Variants in CSHL1 observed in about 807,000 individuals in gnomAD.
CSHL1 encodes the protein chorionic somatomammotropin hormone-like 1.
A neutral mutation model predicts 24.3 loss-of-function variants in CSHL1; 25 were observed. The ratio of observed to expected loss-of-function variants is 1.03; its 90% confidence interval spans 0.75 to 1.44. The LOEUF (loss-of-function observed/expected upper bound fraction) is 1.44, where lower values mean the gene tolerates loss of function less well. Among genes scored for constraint, CSHL1 ranks in the 40% most tolerant of loss-of-function variants. The pLI is 0.00. For missense variants in CSHL1, 342 were observed against 279.3 expected (o/e 1.22, Z -1.60); for synonymous variants, 157 against 115.6 (o/e 1.36, Z -2.30).
intron 4 of CSHL1, 96 bp downstream of exon 4, chr17:63,910,066 C>A: frequency 1.2e-6 from 2 of 1,614,130 alleles, no homozygotes; most frequent in East Asian, 2.2e-5. Context: ...CTTGGGTCAG[C>A]GCCTGACTGC....
chr17:63,910,361 C>T (rs769854600), intron 3 of CSHL1, 35 bp from the exon 4 acceptor site: 58 of 1,614,078 alleles, frequency 3.6e-5, no homozygotes, highest in Middle Eastern at 3.3e-4. Flanking sequence ...CTGTGCTGCC[C>T]GGGGGCTCTG....
At chr17:63,911,123 T>A (rs1186774829) in intron 1 of CSHL1, 64 bp downstream of exon 1, 28 of 1,612,188 alleles carry the variant, frequency 1.7e-5, no homozygotes, top group African/African-American at 2.7e-5. Flanking sequence ...CCCCGTCCCA[T>A]CTGCAGGGCG....
At chr17:63,909,942 C>G in intron 4 of CSHL1, 34 bp from the exon 5 acceptor site, 1 of 1,614,006 alleles carries the variant, frequency 6.2e-7, no homozygotes, top group African/African-American at 1.3e-5. Context: ...AGAGACCAAG[C>G]GCTTGGGCAC....
In CSHL1 at chr17:63,909,670, G is replaced by A. The variant is rs762474863; in HGVS notation, c.*41C>T. On this transcript the variant is annotated 3_prime_UTR_variant, in exon 5 of 5. Coordinates refer to ENST00000309894, the MANE Select transcript of CSHL1 (RefSeq NM_022579.3). ...ACTGGAGTGGCACCTTCAGGGCCAGGAGAGGCACTGGGGAGGGGTCACAGG... is the reference window on the plus strand; with the variant it reads ...ACTGGAGTGGCACCTTCAGGGCCAGAAGAGGCACTGGGGAGGGGTCACAGG... 6.2e-7 allele frequency: 1 copy of A among 1,613,968 alleles called. No individual in the cohort carries two copies. The highest frequency in any genetic ancestry group is 2.2e-5 in the East Asian group (1 of 44,880).
In CSHL1 at chr17:63,910,859, C is replaced by T; in HGVS notation, c.76G>A (p.Ala26Thr). Residue 26 changes from alanine (A) to threonine (T), a missense_variant, in exon 2 of 5, where the codon GCC becomes ACC. Coordinates refer to ENST00000309894, the MANE Select transcript of CSHL1 (RefSeq NM_022579.3). ...LCLPWLQEAGAVQTVPLSRLF... is the reference protein window; with the variant it reads ...LCLPWLQEAGTVQTVPLSRLF... Reference sequence around the variant, plus strand: ...CTGGATAAGGGAACGGTTTGGACGGCACCAGCCTCTTGAAGCCAGGGCAGG... The same window carrying T: ...CTGGATAAGGGAACGGTTTGGACGGTACCAGCCTCTTGAAGCCAGGGCAGG... The T allele has an allele frequency of 6.2e-7, 1 of 1,614,180 alleles. No individual in the cohort carries two copies. Among genetic ancestry groups the T allele is most frequent in the Admixed American group, 1.7e-5 (1 of 60,032 alleles).
chr17:63,910,937 C>T lies in CSHL1; in HGVS notation c.11-13G>A, dbSNP rs369180337. Reference sequence around the variant, plus strand: ...GACGTCCGGGAGCCTGGGGAGAAACCGGAGGGCAAGAAGGGAGCCGCAGAG... The same window carrying T: ...GACGTCCGGGAGCCTGGGGAGAAACTGGAGGGCAAGAAGGGAGCCGCAGAG... On this transcript the variant is annotated splice_polypyrimidine_tract_variant and intron_variant, in intron 1 of 4. Transcript: ENST00000309894. The T allele has an allele frequency of 1.9e-5, 30 of 1,613,530 alleles. No individual in the cohort carries two copies. Among genetic ancestry groups the T allele is most frequent in the South Asian group, 4.4e-5 (4 of 91,076 alleles).
Position 63,910,808 on chromosome 17 carries a change from C to G in CSHL1, c.127G>C (p.Ala43Pro), listed in dbSNP as rs769605062. 3.7e-6 allele frequency: 6 copies of G among 1,614,096 alleles called. No homozygotes were observed. The highest frequency in any genetic ancestry group is 3.3e-5 in the Admixed American group (2 of 60,014). ...SRLFKEAMLQ[A>P]HRAHQLAIDT... ...ATGGCCAGCTGGTGTGCGCGATGGG[C>G]TTGGAGCATAGCCTCTTTAAAAAGC... is the stretch of plus-strand genomic sequence containing the variant. The change falls in exon 2 of 5, where the codon GCC (alanine) becomes CCC (proline). Residue 43 changes from alanine to proline, a missense_variant. Physicochemically the swap from Ala to Pro is conservative, Grantham distance 27. Transcript: ENST00000309894.
In CSHL1 at chr17:63,910,541, T is replaced by C. The variant is rs1210215030; in HGVS notation, c.191-6A>G. On this transcript the variant is annotated splice_polypyrimidine_tract_variant and splice_region_variant and intron_variant, in intron 2 of 4. Transcript: ENST00000309894. ...TTCCTTTGTGATATAGGCTTCTTCCTAGGGGAAGGACCCCCCACCAAGAAG... is the reference window on the plus strand; with the variant it reads ...TTCCTTTGTGATATAGGCTTCTTCCCAGGGGAAGGACCCCCCACCAAGAAG... 1 of 1,614,174 alleles carries C rather than the reference T, an allele frequency of 6.2e-7. No individual in the cohort carries two copies. The highest frequency in any genetic ancestry group is 1.1e-5 in the South Asian group (1 of 91,078).
rs571347914 is a variant in CSHL1 at position 63,911,111 on chromosome 17, G to A, written c.10+76C>T. On this transcript the variant is annotated intron_variant, in intron 1 of 4. Transcript: ENST00000309894. ...CAGAAGCCCCAAACCTGAGGTTAGT[G>A]CCCCCGTCCCATCTGCAGGGCGCCG... 3 of 1,611,976 alleles carry A rather than the reference G, an allele frequency of 1.9e-6. No homozygotes were observed. The South Asian group carries it at 3.3e-5, about 18-fold the overall frequency.
chr17:63,910,085 G>A (rs757701970), intron 4 of CSHL1, 77 bp downstream of exon 4: 1 of 1,614,172 alleles, frequency 6.2e-7, no homozygotes, highest in South Asian at 1.1e-5. Context: ...GCTGAAAAGA[G>A]GGCAGCAGTG....
chr17:63,909,701 A>C lies in CSHL1; in HGVS notation c.*10T>G. On this transcript the variant is annotated 3_prime_UTR_variant, in exon 5 of 5. Transcript: ENST00000309894. Reference sequence around the variant, plus strand: ...CACTGGGGAGGGGTCACAGGATGCCACGCGGGCCCCTAGAAGCCACAGCTG... The same window carrying C: ...CACTGGGGAGGGGTCACAGGATGCCCCGCGGGCCCCTAGAAGCCACAGCTG... The C allele has an allele frequency of 7.4e-6, 12 of 1,614,106 alleles. No homozygotes were observed. The highest frequency in any genetic ancestry group is 1.0e-5 in the Non-Finnish European group (12 of 1,180,036).
At chr17:63,910,588 A>G (rs1285725466) in intron 2 of CSHL1, 53 bp from the exon 3 acceptor site, 6 of 1,614,016 alleles carry the variant, frequency 3.7e-6, no homozygotes, top group Non-Finnish European at 5.1e-6. Flanking sequence ...TCTATGCTGG[A>G]GACCAGCTCC....
At chr17:63,909,976 C>T (rs2144715024) in intron 4 of CSHL1, 68 bp from the exon 5 acceptor site, 1 of 1,613,974 alleles carries the variant, frequency 6.2e-7, no homozygotes, top group South Asian at 1.1e-5. Flanking sequence ...TCTCATTTAT[C>T]CATTTTCCTC....
At chr17:63,911,039 T>G (rs1906971503) in intron 1 of CSHL1, 115 bp from the exon 2 acceptor site, 2 of 1,610,680 alleles carry the variant, frequency 1.2e-6, no homozygotes, top group Non-Finnish European at 1.7e-6. Flanking sequence ...ACCAGGAACA[T>G]TCAGAGATTG....
In CSHL1 at chr17:63,910,802, G is replaced by A. The variant is rs141576938; in HGVS notation, c.133C>T (p.Arg45Cys). 6 of 1,614,216 alleles carry A rather than the reference G, an allele frequency of 3.7e-6. 1 individual carries two copies. Among genetic ancestry groups the A allele is most frequent in the South Asian group, 2.2e-5 (2 of 91,082 alleles). The change falls in exon 2 of 5, where the codon CGC becomes TGC. Residue 45 changes from arginine to cysteine, a missense_variant. By Grantham distance (180) the Arg-to-Cys change is radical. Coordinates refer to ENST00000309894, the MANE Select transcript of CSHL1 (RefSeq NM_022579.3). ...LFKEAMLQAHRAHQLAIDTYQ... is the reference protein window; with the variant it reads ...LFKEAMLQAHCAHQLAIDTYQ... Reference sequence around the variant, plus strand: ...GTGTCAATGGCCAGCTGGTGTGCGCGATGGGCTTGGAGCATAGCCTCTTTA... The same window carrying A: ...GTGTCAATGGCCAGCTGGTGTGCGCAATGGGCTTGGAGCATAGCCTCTTTA...
Position 63,910,144 on chromosome 17 carries a change from C to A in CSHL1, c.471+18G>T, listed in dbSNP as rs371668344. On this transcript the variant is annotated intron_variant, in intron 4 of 4. Transcript: ENST00000309894. Reference sequence around the variant, plus strand: ...CCAGTGGGCTTCCAGGATTGGGGACCCCTGGTGCCACCCTCACCCCCATCA... The same window carrying A: ...CCAGTGGGCTTCCAGGATTGGGGACACCTGGTGCCACCCTCACCCCCATCA... 9.9e-6 allele frequency: 16 copies of A among 1,614,172 alleles called. No individual in the cohort carries two copies. Among genetic ancestry groups the A allele is most frequent in the Non-Finnish European group, 1.3e-5 (15 of 1,180,036 alleles).
At position 63,910,095 on chromosome 17, in the gene CSHL1, G is replaced by A. The variant is rs758809496; in HGVS notation, c.471+67C>T. Reference sequence around the variant, plus strand: ...TGACTGCTGAAAAGAGGGCAGCAGTGTTTCTCTCCCCCAGCCCTCGAAGCC... The same window carrying A: ...TGACTGCTGAAAAGAGGGCAGCAGTATTTCTCTCCCCCAGCCCTCGAAGCC... On this transcript the variant is annotated intron_variant, in intron 4 of 4. Transcript: ENST00000309894. 6.8e-5 allele frequency: 110 copies of A among 1,614,064 alleles called. 1 individual carries two copies. Among genetic ancestry groups the A allele is most frequent in the South Asian group, 1.9e-4 (17 of 91,088 alleles).
intron 2 of CSHL1, 80 bp downstream of exon 2, chr17:63,910,665 C>G (rs1906898963): frequency 1.2e-6 from 2 of 1,614,174 alleles, no homozygotes; most frequent in Non-Finnish European, 1.7e-6. Context: ...CTTCAGAAAA[C>G]AACCCTGAGC....
At chr17:63,911,021 C>T in intron 1 of CSHL1, 97 bp from the exon 2 acceptor site, 1 of 1,610,398 alleles carries the variant, frequency 6.2e-7, no homozygotes, top group South Asian at 1.1e-5. Flanking sequence ...CTCTCCATCC[C>T]TCCAGGGACC....
Sources: allele counts gnomAD v4.1 joint callset, GRCh38; gene constraint gnomAD v4.1.1; transcripts MANE v1.5; gene names NCBI Gene and HGNC (gene_info 2026-07-23, HGNC 2026-07-21).